Variants in ASPM observed in about 807,000 individuals in gnomAD.
ASPM encodes assembly factor for spindle microtubules.
Under a neutral mutation model 366.4 loss-of-function variants are expected in ASPM, and 256 were observed. The observed-to-expected ratio is 0.70, with a 90% CI of 0.63 to 0.77. The LOEUF (loss-of-function observed/expected upper bound fraction) is 0.77, where lower values mean the gene tolerates loss of function less well. Among genes scored for constraint, ASPM ranks in the 30% least tolerant of loss-of-function variants. The probability of loss-of-function intolerance (pLI) is 0.00; values close to 1 mark genes in which losing one functional copy is unlikely to be tolerated. For synonymous variants in ASPM, 1,414 were observed against 1,342.9 expected, an observed-to-expected ratio of 1.05 and a Z score of -1.16; for missense variants, 4,146 against 4,090.4, an observed-to-expected ratio of 1.01 and a Z score of -0.37.
intron 18 of ASPM, among the ~76,000 whole-genome samples, chr1:197,097,147 T>A (rs1468863251): frequency 4.6e-5 from 7 of 151,772 alleles, no homozygotes; most frequent in African/African-American, 7.3e-5. Flanking sequence ...CTAGTGAGCC[T>A]TATCTCTCCC....
At chr1:197,144,206 A>C (rs1362479068) in intron 1 of ASPM, 106 bp from the exon 2 acceptor site, 1 of 790,694 alleles carries the variant, frequency 1.3e-6, no homozygotes, top group African/African-American at 1.7e-5. Flanking sequence ...TTGTTAACCA[A>C]CACTCTATAT....
In ASPM at chr1:197,104,689, T is replaced by C. The variant is rs768384827; in HGVS notation, c.4562A>G (p.Tyr1521Cys). ...KESILTIQKYYKAYLKGKIER... is the reference protein window; with the variant it reads ...KESILTIQKYCKAYLKGKIER... ...AATCTTTCCTTTCAGATATGCTTTG[T>C]AGTACTTCTGGATGGTTAGTATGGA... Residue 1521 changes from tyrosine to cysteine, a missense_variant, in exon 18 of 28, where the codon TAC becomes TGC. Physicochemically the swap from Tyr to Cys is radical, Grantham distance 194 (BLOSUM62 -2). Coordinates refer to ENST00000367409, the MANE Select transcript of ASPM (RefSeq NM_018136.5). 4.2e-5 allele frequency: 67 copies of C among 1,612,998 alleles called. No homozygotes were observed. In the South Asian group the frequency reaches 7.0e-4, roughly 17 times the overall value.
intron 17 of ASPM, among the ~76,000 whole-genome samples, chr1:197,112,564 C>T (rs1283451141): frequency 6.6e-6 from 1 of 152,090 alleles, no homozygotes; most frequent in Non-Finnish European, 1.5e-5. Flanking sequence ...GCAAACCTGT[C>T]TCCCATTCTA....
chr1:197,109,626 G>A (rs1461916413), intron 17 of ASPM, among the ~76,000 whole-genome samples: 1 of 151,730 alleles, frequency 6.6e-6, no homozygotes, highest in Non-Finnish European at 1.5e-5. Context: ...ATAAGTGGGG[G>A]AAATAAAAAA....
Position 197,103,064 on chromosome 1 carries a change from A to T in ASPM, c.6187T>A (p.Tyr2063Asn), listed in dbSNP as rs1657251831. The T allele has an allele frequency of 6.2e-7, 1 of 1,612,490 alleles. No homozygotes were observed. The highest frequency in any genetic ancestry group is 8.5e-7 in the Non-Finnish European group (1 of 1,179,238). Reference protein sequence around the residue: ...KYRAYKTKKKYATYRASAIII... With the variant: ...KYRAYKTKKKNATYRASAIII... ...ATAGCTGAAGCTCTATAGGTTGCAT[A>T]TTTCTTTTTGGTTTTGTAAGCTCTG... The change falls in exon 18 of 28, where the codon TAT becomes AAT. Residue 2063 changes from tyrosine to asparagine, a missense_variant. Around this residue, in one of 3 missense-constraint regions of ASPM, gnomAD observed 3,624 missense variants for 3,591.7 expected, o/e 1.01. Transcript: ENST00000367409.
At chr1:197,094,690 A>G (rs1240078754) in intron 19 of ASPM, among the ~76,000 whole-genome samples, 1 of 151,780 alleles carries the variant, frequency 6.6e-6, no homozygotes. Flanking sequence ...GAACTGGAGA[A>G]AAATTTTAAA....
rs139367209 is a variant in ASPM at position 197,105,038 on chromosome 1, G to A, written c.4213C>T (p.Arg1405Cys). 8,958 of 1,610,098 alleles carry A rather than the reference G, an allele frequency of 5.6e-3. 59 individuals carry two copies. The highest frequency in any genetic ancestry group is 0.013 in the South Asian group (1,208 of 90,620). The part of the protein sequence containing the change: ...WATVTIQRHW[R>C]AYLRRKQDQQ... ...TCTTGTTTTCTTCTTAAATAAGCAC[G>A]CCAATGCCTCTGAATTGTAACTGTA... The change falls in exon 18 of 28, where the codon CGT (arginine) becomes TGT (cysteine). Residue 1405 changes from arginine (R) to cysteine (C), a missense_variant. Arg to Cys is a radical substitution (Grantham distance 180). Coordinates refer to ENST00000367409, the MANE Select transcript of ASPM (RefSeq NM_018136.5).
chr1:197,134,667 A>G (rs1658364626), intron 5 of ASPM, among the ~76,000 whole-genome samples: 1 of 152,244 alleles, frequency 6.6e-6, no homozygotes, highest in African/African-American at 2.4e-5. Flanking sequence ...TGAAAGGCAC[A>G]TCTCTACCTG....
intron 25 of ASPM, among the ~76,000 whole-genome samples, 183 bp from the exon 26 acceptor site, chr1:197,088,615 A>G (rs1656674580): frequency 1.3e-5 from 2 of 152,136 alleles, no homozygotes; most frequent in Admixed American, 6.6e-5. Context: ...GATCTATCAT[A>G]TATGTGTATT....
intron 4 of ASPM, chr1:197,138,849 TC>T: frequency 2.3e-6 from 2 of 866,148 alleles, no homozygotes; most frequent in Admixed American, 1.7e-5. Context: ...TATTTCTCCT[TC>T]CAGTTGTTTT....
Position 197,132,361 on chromosome 1 carries a change from C to G in ASPM, c.2420-9G>C. On this transcript the variant is annotated splice_polypyrimidine_tract_variant and intron_variant, in intron 6 of 27. Transcript: ENST00000367409. Reference sequence around the variant, plus strand: ...GACTTTCTGACGTTCTCCTGAAATGCATGTCAAAGGCAAATAAGTTCAAAT... The same window carrying G: ...GACTTTCTGACGTTCTCCTGAAATGGATGTCAAAGGCAAATAAGTTCAAAT... The G allele has an allele frequency of 6.2e-7, 1 of 1,611,862 alleles. No homozygotes were observed. The highest frequency in any genetic ancestry group is 8.5e-7 in the Non-Finnish European group (1 of 1,178,390).
intron 17 of ASPM, among the ~76,000 whole-genome samples, chr1:197,108,121 GA>G (rs761681552): frequency 1.3e-5 from 2 of 151,468 alleles, no homozygotes; most frequent in Non-Finnish European, 2.9e-5. Context: ...AAAATAATAG[GA>G]AAATCTCCAA....
In ASPM at chr1:197,104,801, A is replaced by C. The variant is rs771383901; in HGVS notation, c.4450T>G (p.Tyr1484Asp). The C allele has an allele frequency of 6.3e-7, 1 of 1,581,718 alleles. No individual in the cohort carries two copies. Among genetic ancestry groups the C allele is most frequent in the Non-Finnish European group, 8.6e-7 (1 of 1,167,528 alleles). Residue 1484 changes from tyrosine to aspartate, a missense_variant, in exon 18 of 28, where the codon TAT (tyrosine) becomes GAT (aspartate). Physicochemically the swap from Tyr to Asp is radical, Grantham distance 160 (BLOSUM62 -3). Coordinates refer to ENST00000367409, the MANE Select transcript of ASPM (RefSeq NM_018136.5). The part of the protein sequence containing the change: ...WYRMHKELRK[Y>D]IYIRSCVVII... ...ACAACACAAGATCTAATATAAATAT[A>C]TTTCCGTAATTCTTTATGCATTCTA...
chr1:197,119,223 G>T (rs552245120), intron 16 of ASPM, among the ~76,000 whole-genome samples: 31 of 152,228 alleles, frequency 2.0e-4, no homozygotes, highest in Admixed American at 6.5e-4. Flanking sequence ...CGGGCTAGGG[G>T]AATTATGTAT....
chr1:197,105,115 G>T lies in ASPM; in HGVS notation c.4136C>A (p.Ser1379Tyr). 3 of 1,608,168 alleles carry T rather than the reference G, an allele frequency of 1.9e-6. No individual in the cohort carries two copies. The highest frequency in any genetic ancestry group is 2.6e-6 in the Non-Finnish European group (3 of 1,175,542). ...AACAGCAATTATCATTCTTATCCTA[G>T]ATTGCAGGATGATTGAATAATATTT... The part of the protein sequence containing the change: ...KLKYYSIILQ[S>Y]RIRMIIAVTS... Residue 1379 changes from serine (S) to tyrosine (Y), a missense_variant, in exon 18 of 28, where the codon TCT becomes TAT. Around this residue, in one of 3 missense-constraint regions of ASPM, gnomAD observed 3,624 missense variants for 3,591.7 expected, o/e 1.01. Transcript: ENST00000367409.
chr1:197,103,943 A>G lies in ASPM; in HGVS notation c.5308T>C (p.Tyr1770His). The change falls in exon 18 of 28, where the codon TAT becomes CAT. Residue 1770 changes from tyrosine (Y) to histidine (H), a missense_variant. Around this residue, in one of 3 missense-constraint regions of ASPM, gnomAD observed 3,624 missense variants for 3,591.7 expected, o/e 1.01. Transcript: ENST00000367409. Reference sequence around the variant, plus strand: ...ATTGCTTTATACATTTTCAGATAATACTGCCGAGCCTTTCTCATTCTGAAA... The same window carrying G: ...ATTGCTTTATACATTTTCAGATAATGCTGCCGAGCCTTTCTCATTCTGAAA... ...SYFRMRKARQYYLKMYKAIIV... is the reference protein window; with the variant it reads ...SYFRMRKARQHYLKMYKAIIV... 6.2e-7 allele frequency: 1 copy of G among 1,612,684 alleles called. No individual in the cohort carries two copies. The highest frequency in any genetic ancestry group is 8.5e-7 in the Non-Finnish European group (1 of 1,179,314).
intron 23 of ASPM, 142 bp downstream of exon 23, chr1:197,090,708 T>C: frequency 4.0e-6 from 3 of 749,200 alleles, no homozygotes; most frequent in South Asian, 1.8e-5. Flanking sequence ...AATGAAATTA[T>C]GGTAGTATAG....
Position 197,122,469 on chromosome 1 carries a change from G to C in ASPM, c.3517C>G (p.Gln1173Glu). 1 of 1,613,832 alleles carries C rather than the reference G, an allele frequency of 6.2e-7. No individual in the cohort carries two copies. The highest frequency in any genetic ancestry group is 8.5e-7 in the Non-Finnish European group (1 of 1,179,826). The part of the protein sequence containing the change: ...QRTTQTVECT[Q>E]TGSVVLNSSS... ...GAATTTAATACCACTGAACCAGTTTGCGTACATTCCACAGTTTGAGTAGTA... is the reference window on the plus strand; with the variant it reads ...GAATTTAATACCACTGAACCAGTTTCCGTACATTCCACAGTTTGAGTAGTA... Residue 1173 changes from glutamine to glutamate, a missense_variant, in exon 14 of 28, where the codon CAA (glutamine) becomes GAA (glutamate). Around this residue, in one of 3 missense-constraint regions of ASPM, gnomAD observed 3,624 missense variants for 3,591.7 expected, o/e 1.01. Coordinates refer to ENST00000367409, the MANE Select transcript of ASPM (RefSeq NM_018136.5).
chr1:197,087,452 C>G (rs1053489229), intron 26 of ASPM, among the ~76,000 whole-genome samples: 3 of 152,084 alleles, frequency 2.0e-5, no homozygotes, highest in Admixed American at 6.6e-5. Context: ...AAATTACGAG[C>G]TAATTTGCAA....
Sources: allele counts gnomAD v4.1 joint callset (sites outside exome capture counted in the v4.1 genomes callset), GRCh38; gene constraint gnomAD v4.1.1; regional missense constraint gnomAD v4.1.1; transcripts MANE v1.5; gene names NCBI Gene and HGNC (gene_info 2026-07-23, HGNC 2026-07-21).